Variants in TENM1 observed in about 807,000 individuals in gnomAD.
TENM1 encodes teneurin transmembrane protein 1, also known as teneurin-1.
TENM1 carries 35 observed loss-of-function variants against 174.8 expected under a neutral mutation model. That is an observed-to-expected ratio of 0.20 (90% CI 0.15 to 0.27). TENM1 has a LOEUF of 0.27. Among genes scored for constraint, TENM1 ranks in the 10% least tolerant of loss-of-function variants. TENM1 has a pLI of 1.00. For synonymous variants in TENM1, 781 were observed against 798.7 expected (o/e 0.98, Z 0.37); for missense variants, 1,633 against 2,130.1 (o/e 0.77, Z 4.59).
chrX:125,137,676 T>C, the TENM1 span, among the ~76,000 whole-genome samples: 1 of 111,542 alleles, frequency 9.0e-6, no homozygotes, highest in East Asian at 2.8e-4. Context: ...TCTAGCCCCA[T>C]GGCTCCAGGC....
chrX:124,852,349 T>A (rs1323978815), intron 3 of TENM1, among the ~76,000 whole-genome samples: 1 of 109,555 alleles, frequency 9.1e-6, no homozygotes. Context: ...TATTATTATA[T>A]CACATGTGAA....
chrX:124,981,342 T>A, the TENM1 span, among the ~76,000 whole-genome samples: 1 of 111,664 alleles, frequency 9.0e-6, no homozygotes, highest in Admixed American at 9.6e-5. Context: ...ATTTATCAAA[T>A]AACTAACTTA....
intron 5 of TENM1, chrX:124,688,510 G>A (rs1362201770): frequency 1.0e-4 from 12 of 118,592 alleles, no homozygotes; most frequent in Non-Finnish European, 5.2e-5. Flanking sequence ...CTCCTTACAG[G>A]GGCCTTGGTT....
intron 27 of TENM1, 70 bp from the exon 31 acceptor site, chrX:124,392,418 T>G: frequency 3.5e-6 from 3 of 868,475 alleles, no homozygotes; most frequent in Non-Finnish European, 4.9e-6. Flanking sequence ...CTGACAATCA[T>G]GAATCCTTTC....
the TENM1 span, among the ~76,000 whole-genome samples, chrX:125,018,005 G>T: frequency 3.6e-5 from 4 of 111,502 alleles, 1 homozygote; most frequent in East Asian, 1.1e-3. Context: ...TATCACAGAA[G>T]TTAAAGTTTA....
intron 3 of TENM1, among the ~76,000 whole-genome samples, chrX:124,889,267 T>C (rs148726800): frequency 2.3e-4 from 26 of 111,615 alleles, no homozygotes; most frequent in African/African-American, 6.8e-4. Flanking sequence ...CCCCTCATTG[T>C]AGCTGATGAG....
At chrX:124,409,919 AAT>A (rs1466631352) in intron 25 of TENM1, among the ~76,000 whole-genome samples, 1 of 110,407 alleles carries the variant, frequency 9.1e-6, no homozygotes, top group Non-Finnish European at 1.9e-5. Flanking sequence ...AGGAAGAATC[AAT>A]ATCGTGAAAA....
chrX:125,098,463 T>C, the TENM1 span, among the ~76,000 whole-genome samples: 1 of 111,770 alleles, frequency 8.9e-6, no homozygotes, highest in African/African-American at 3.3e-5. Flanking sequence ...ATTGATTGCG[T>C]TTGTAGTTGG....
chrX:124,712,371 T>C (rs1397896939), intron 4 of TENM1, among the ~76,000 whole-genome samples: 6 of 112,302 alleles, frequency 5.3e-5, no homozygotes, highest in Non-Finnish European at 1.1e-4. Flanking sequence ...CCTTCTTCTT[T>C]TTTTTTAATA....
chrX:124,455,522 T>C (rs2061094809), intron 22 of TENM1, among the ~76,000 whole-genome samples: 1 of 111,437 alleles, frequency 9.0e-6, no homozygotes, highest in East Asian at 2.8e-4. Context: ...TCGCTGAGTA[T>C]AAAATTTCAA....
At chrX:124,561,579 A>G (rs2048819694) in intron 14 of TENM1, 92 bp downstream of exon 17, 2 of 1,012,840 alleles carry the variant, frequency 2.0e-6, no homozygotes, top group African/African-American at 3.8e-5. Flanking sequence ...TATACTAGAG[A>G]TTCCTAATTT....
At chrX:124,978,011 AG>A in the TENM1 span, among the ~76,000 whole-genome samples, 12 of 87,402 alleles carry the variant, frequency 1.4e-4, no homozygotes, top group African/African-American at 4.6e-4. Context: ...AGAGAGAGAG[AG>A]AGAGAGAGAG....
chrX:124,505,189 C>T (rs996651612), intron 18 of TENM1, among the ~76,000 whole-genome samples: 5 of 112,454 alleles, frequency 4.4e-5, no homozygotes, highest in Non-Finnish European at 7.5e-5. Flanking sequence ...TTTCATTTCA[C>T]TGGGCCCTGC....
the TENM1 span, among the ~76,000 whole-genome samples, chrX:125,040,882 C>T: frequency 9.0e-6 from 1 of 111,554 alleles, no homozygotes; most frequent in Non-Finnish European, 1.9e-5. Context: ...AACTTGTTTT[C>T]ACCAGATATT....
At chrX:124,450,371 A>AT (rs1052958558) in intron 23 of TENM1, among the ~76,000 whole-genome samples, 13 of 109,172 alleles carry the variant, frequency 1.2e-4, no homozygotes, top group Non-Finnish European at 2.1e-4. Context: ...AAAAAAAAAA[A>AT]AAAAAATGGG....
At chrX:125,032,144 C>G in the TENM1 span, among the ~76,000 whole-genome samples, 3 of 110,136 alleles carry the variant, frequency 2.7e-5, no homozygotes, top group Non-Finnish European at 5.7e-5. Flanking sequence ...TAACTAGTCA[C>G]CAGTCTCCAG....
chrX:124,765,318 G>T (rs1282928122), intron 3 of TENM1, among the ~76,000 whole-genome samples: 1 of 111,992 alleles, frequency 8.9e-6, no homozygotes, highest in African/African-American at 3.2e-5. Context: ...TCTGCTTCGT[G>T]CAATCGTCCA....
exon 30 of TENM1, chrX:124,384,749 A>G: frequency 1.7e-6 from 2 of 1,211,621 alleles, no homozygotes; most frequent in Non-Finnish European, 2.2e-6. Flanking sequence ...TTCATTGATT[A>G]CAGCTTGCAT....
the TENM1 span, among the ~76,000 whole-genome samples, chrX:125,054,274 T>G: frequency 3.6e-4 from 40 of 110,024 alleles, no homozygotes; most frequent in East Asian, 0.011. Flanking sequence ...GACGTGCCTG[T>G]TTTCTGCTTG....
Sources: gnomAD v4.1 joint callset for allele counts (sites outside exome capture counted in the v4.1 genomes callset) on GRCh38, gnomAD v4.1.1 for gene constraint, MANE v1.5 for transcripts, NCBI Gene and HGNC (gene_info 2026-07-23, HGNC 2026-07-21) for gene names.